LHFPL3: variants seen among roughly 807,000 people sequenced by gnomAD.
The protein encoded by LHFPL3 is LHFPL tetraspan subfamily member 3.
In LHFPL3, 5 loss-of-function variants were observed where a neutral mutation model predicts 19.3. That is an observed-to-expected ratio of 0.26 (90% CI 0.14 to 0.54). The LOEUF is 0.54. Ranked by LOEUF, LHFPL3 falls within the 20% of genes least tolerant of loss-of-function variation. The pLI, the probability that LHFPL3 is intolerant of heterozygous loss-of-function variation, is 0.94. For missense variants in LHFPL3, 249 were observed against 307.4 expected (o/e 0.81, Z 1.42); for synonymous variants, 133 against 126.2 (o/e 1.05, Z -0.36).
At chr7:104,426,824 A>C (rs1017760538) in intron 1 of LHFPL3, among the ~76,000 whole-genome samples, 1 of 152,136 alleles carries the variant, frequency 6.6e-6, no homozygotes, top group African/African-American at 2.4e-5. Flanking sequence ...CTTAGGATTT[A>C]ATTTCTACAC....
chr7:104,640,205 A>G (rs62484593), intron 1 of LHFPL3, among the ~76,000 whole-genome samples: 30,242 of 152,148 alleles, frequency 0.2, 3,746 homozygotes, highest in South Asian at 0.4. Context: ...TGCTGCGCCC[A>G]TCAACCCATC....
At chr7:104,799,137 T>C (rs1790191980) in intron 2 of LHFPL3, among the ~76,000 whole-genome samples, 1 of 152,242 alleles carries the variant, frequency 6.6e-6, no homozygotes, top group Non-Finnish European at 1.5e-5. Context: ...AGTGACAAGA[T>C]GTTCAATTTT....
chr7:104,636,004 G>C (rs912375839), intron 1 of LHFPL3, among the ~76,000 whole-genome samples: 2 of 152,096 alleles, frequency 1.3e-5, no homozygotes, highest in African/African-American at 4.8e-5. Flanking sequence ...GAAAACCTCT[G>C]AGTAAATAAA....
chr7:104,654,665 G>T (rs1044039914), intron 1 of LHFPL3, among the ~76,000 whole-genome samples: 13 of 152,184 alleles, frequency 8.5e-5, no homozygotes, highest in African/African-American at 3.1e-4. Flanking sequence ...AGAAATGGTT[G>T]TAGTAATAAT....
chr7:104,343,612 A>G (rs917343709), intron 1 of LHFPL3, among the ~76,000 whole-genome samples: 4 of 150,802 alleles, frequency 2.7e-5, no homozygotes, highest in Non-Finnish European at 5.9e-5. Context: ...GTAGTTATAA[A>G]TGTTATTTAG....
intron 1 of LHFPL3, chr7:104,669,036 A>T (rs1792420802): frequency 5.6e-6 from 9 of 1,612,140 alleles, no homozygotes; most frequent in African/African-American, 1.3e-5. Flanking sequence ...CCTCCACCAC[A>T]TCTGGCAGAA....
chr7:104,512,239 G>A (rs1268264740), intron 1 of LHFPL3, among the ~76,000 whole-genome samples: 4 of 152,014 alleles, frequency 2.6e-5, no homozygotes, highest in African/African-American at 9.7e-5. Context: ...ACAGGCATGA[G>A]CCACAGCATC....
chr7:104,765,247 CAAAAGA>C (rs1249096154), intron 2 of LHFPL3, among the ~76,000 whole-genome samples: 1 of 152,114 alleles, frequency 6.6e-6, no homozygotes, highest in Non-Finnish European at 1.5e-5. Flanking sequence ...CTTTTCAGCA[CAAAAGA>C]AAAAGTTATG....
rs540638329 is a variant in LHFPL3, at chr7:104,410,964, G to A, written c.445+81740G>A. On this transcript the variant is annotated intron_variant, in intron 1 of 2. Coordinates refer to ENST00000424859, the MANE Select transcript of LHFPL3 (RefSeq NM_199000.3). ...AATTGTACAGGAAAACAGGAGTATC[G>A]TAGGGCCCAGCCAGACATTATTTTT... Among the ~76,000 whole-genome samples the A allele has an allele frequency of 3.3e-5, 5 of 152,262 alleles. No individual in the cohort carries two copies. In the South Asian group the frequency reaches 6.2e-4, roughly 19 times the overall value.
chr7:104,816,738 G>C (rs894375657), intron 2 of LHFPL3, among the ~76,000 whole-genome samples: 1 of 152,178 alleles, frequency 6.6e-6, no homozygotes, highest in African/African-American at 2.4e-5. Context: ...GCCACTCAAC[G>C]TGGCAAAGAG....
At chr7:104,775,839 A>C (rs1794627551) in intron 2 of LHFPL3, among the ~76,000 whole-genome samples, 1 of 127,822 alleles carries the variant, frequency 7.8e-6, no homozygotes, top group African/African-American at 3.0e-5. Context: ...GTTCCCTGGG[A>C]GTTCTTTTCT....
chr7:104,430,608 A>G (rs900080624), intron 1 of LHFPL3, among the ~76,000 whole-genome samples: 2 of 148,534 alleles, frequency 1.3e-5, no homozygotes, highest in Non-Finnish European at 3.0e-5. Flanking sequence ...AGCTGGGACT[A>G]CAGGCGCCCG....
intron 1 of LHFPL3, among the ~76,000 whole-genome samples, chr7:104,533,772 G>C (rs1226327819): frequency 1.3e-5 from 2 of 152,140 alleles, no homozygotes; most frequent in Non-Finnish European, 2.9e-5. Flanking sequence ...TTCCATCTCT[G>C]CTAGTTTCGT....
intron 2 of LHFPL3, among the ~76,000 whole-genome samples, chr7:104,780,307 C>T (rs944955655): frequency 6.6e-6 from 1 of 152,202 alleles, no homozygotes; most frequent in African/African-American, 2.4e-5. Context: ...CAGCAAGTCC[C>T]TGACACCTCC....
intron 1 of LHFPL3, among the ~76,000 whole-genome samples, chr7:104,593,635 G>A (rs1790776592): frequency 6.6e-6 from 1 of 152,134 alleles, no homozygotes; most frequent in South Asian, 2.1e-4. Context: ...TGTTGACAGT[G>A]GGGTGTTAAA....
intron 1 of LHFPL3, among the ~76,000 whole-genome samples, chr7:104,604,239 C>T (rs375822312): frequency 1.5e-4 from 23 of 152,338 alleles, no homozygotes; most frequent in Middle Eastern, 3.4e-3. Context: ...CCATAAGCCT[C>T]GCCTGACCCT....
chr7:104,810,789 G>T (rs577963627), intron 2 of LHFPL3, among the ~76,000 whole-genome samples: 1 of 152,352 alleles, frequency 6.6e-6, no homozygotes, highest in Non-Finnish European at 1.5e-5. Flanking sequence ...CTCAAGTGAA[G>T]ATTTCAAGTA....
chr7:104,435,539 CT>C (rs1246936126), intron 1 of LHFPL3, among the ~76,000 whole-genome samples: 1 of 147,718 alleles, frequency 6.8e-6, no homozygotes, highest in African/African-American at 2.5e-5. Context: ...TATAAAATGA[CT>C]TTTATATTTT....
chr7:104,458,586 C>T (rs1792594315), intron 1 of LHFPL3, among the ~76,000 whole-genome samples: 1 of 152,002 alleles, frequency 6.6e-6, no homozygotes, highest in African/African-American at 2.4e-5. Flanking sequence ...TTAGGATTGA[C>T]TTGGCGATGC....
Sources: gnomAD v4.1 joint callset for allele counts (sites outside exome capture counted in the v4.1 genomes callset) on GRCh38, gnomAD v4.1.1 for gene constraint, MANE v1.5 for transcripts, NCBI Gene and HGNC (gene_info 2026-07-23, HGNC 2026-07-21) for gene names.